SEMA3A: variants seen among roughly 807,000 people sequenced by gnomAD.
SEMA3A encodes semaphorin-3A.
SEMA3A carries 29 observed loss-of-function variants against 97.9 expected under a neutral mutation model. The observed-to-expected ratio is 0.30, with a 90% CI of 0.22 to 0.40. The LOEUF is 0.40. SEMA3A is among the 10% of genes least tolerant of loss of function. The probability of loss-of-function intolerance (pLI) is 1.00; values close to 1 mark genes in which losing one functional copy is unlikely to be tolerated. For synonymous variants in SEMA3A, 321 were observed against 323.7 expected (o/e 0.99, Z 0.09); for missense variants, 763 against 951.3 (o/e 0.80, Z 2.60).
chr7:84,374,185 A>G (rs529539), intron 1 of SEMA3A, among the ~76,000 whole-genome samples: 15,506 of 152,212 alleles, frequency 0.1, 1,454 homozygotes, highest in African/African-American at 0.22. Flanking sequence ...TTGGTAATTG[A>G]TTTGTGAAAG....
At chr7:83,980,607 A>AAAAAAAAAAAAC (rs1562951973) in intron 14 of SEMA3A, among the ~76,000 whole-genome samples, 5 of 53,096 alleles carry the variant, frequency 9.4e-5, no homozygotes, top group Non-Finnish European at 1.9e-4. Flanking sequence ...CCATCTCAAA[A>AAAAAAAAAAAAC]AAAAAAAAAA....
chr7:84,441,482 A>C (rs552616295), intron 1 of SEMA3A, among the ~76,000 whole-genome samples: 21 of 152,054 alleles, frequency 1.4e-4, no homozygotes, highest in Non-Finnish European at 2.9e-4. Flanking sequence ...AGAATAAGAC[A>C]TCAGAAATTT....
chr7:83,994,780 C>T (rs993142843), intron 12 of SEMA3A, among the ~76,000 whole-genome samples: 7 of 151,752 alleles, frequency 4.6e-5, no homozygotes, highest in Admixed American at 2.6e-4. Context: ...TTTGTCTGTG[C>T]CCTGCCCCCA....
chr7:84,270,599 T>C (rs1800122188), intron 3 of SEMA3A, among the ~76,000 whole-genome samples: 2 of 147,742 alleles, frequency 1.4e-5, no homozygotes, highest in Admixed American at 6.8e-5. Context: ...AATAATTATT[T>C]ATATATTATT....
intron 3 of SEMA3A, among the ~76,000 whole-genome samples, chr7:84,123,851 A>G (rs7808547): frequency 0.035 from 5,244 of 151,650 alleles, 116 homozygotes; most frequent in South Asian, 0.069. Context: ...GCAAGAGAGT[A>G]TAACTATGTG....
chr7:84,090,024 G>C (rs1794513537), intron 4 of SEMA3A, among the ~76,000 whole-genome samples: 1 of 151,872 alleles, frequency 6.6e-6, no homozygotes, highest in South Asian at 2.1e-4. Context: ...TTTTGTTATA[G>C]AAAATAAATT....
chr7:84,207,402 C>A lies in SEMA3A; in HGVS notation c.-82-12734G>T, dbSNP rs371733911. Among the ~76,000 whole-genome samples, 3 of 152,278 alleles carry A rather than the reference C, an allele frequency of 2.0e-5. No homozygotes were observed. In the East Asian group the frequency reaches 5.8e-4, roughly 29 times the overall value. On this transcript the variant is annotated intron_variant, in intron 3 of 3. Transcript: ENST00000424555. Reference sequence around the variant, plus strand: ...CAGAACTCTGCCCATTCTATCAAATCCTGATTCAAATGATTCTATGTATTC... The same window carrying A: ...CAGAACTCTGCCCATTCTATCAAATACTGATTCAAATGATTCTATGTATTC...
chr7:84,301,677 T>C (rs1279451309), intron 3 of SEMA3A, among the ~76,000 whole-genome samples: 1 of 152,166 alleles, frequency 6.6e-6, no homozygotes, highest in African/African-American at 2.4e-5. Flanking sequence ...TCACAATTAC[T>C]CAATTCTGCC....
Position 84,143,994 on chromosome 7 carries a change from C to CACACACACAA in SEMA3A, c.113-9044_113-9043insTTGTGTGTGT, listed in dbSNP as rs1348242265. Reference sequence around the variant, plus strand: ...ACACACACACACACACACACACACACAATTTATTGTGTATGCATTATCCTT... The same window carrying CACACACACAA: ...ACACACACACACACACACACACACACACACACACAAAATTTATTGTGTATGCATTATCCTT... On this transcript the variant is annotated intron_variant, in intron 1 of 16. Transcript: ENST00000265362. 9.2e-4 allele frequency among the ~76,000 whole-genome samples: 127 copies of CACACACACAA among 137,660 alleles called. 1 individual carries two copies. The highest frequency in any genetic ancestry group is 3.5e-3 in the African/African-American group (124 of 35,280). The allele number at this position is 137,660 out of a possible 152,430, so 90.3% of individuals were successfully genotyped here.
Position 84,305,246 on chromosome 7 carries a change from A to G in SEMA3A, c.-83+1961T>C, listed in dbSNP as rs142528114. ...TTTCAGGTTACTTCCAGTAAAAAAA[A>G]AAAAAAAGCAAAAATAGTAGATAAA... is the stretch of plus-strand genomic sequence containing the variant. On this transcript the variant is annotated intron_variant, in intron 3 of 3. Transcript: ENST00000424555. Among the ~76,000 whole-genome samples, 859 of 151,710 alleles carry G rather than the reference A, an allele frequency of 5.7e-3. 38 individuals carry two copies. In the East Asian group the frequency reaches 0.11, roughly 19 times the overall value.
intron 1 of SEMA3A, among the ~76,000 whole-genome samples, chr7:84,191,279 GC>G (rs1244319942): frequency 6.6e-6 from 1 of 150,416 alleles, no homozygotes; most frequent in African/African-American, 2.4e-5. Context: ...CTTTCAGAAG[GC>G]CTACCACTTT....
rs373613209 is a variant in SEMA3A at position 84,421,744 on chromosome 7, C to T, written c.-245-49844G>A. 7.0e-4 allele frequency among the ~76,000 whole-genome samples: 106 copies of T among 152,050 alleles called. 1 individual carries two copies. Among genetic ancestry groups the T allele is most frequent in the African/African-American group, 2.3e-3 (95 of 41,478 alleles). On this transcript the variant is annotated intron_variant, in intron 1 of 3. Transcript: ENST00000424555. ...AGCATGAAGGGGTGTTGAATTTTATCGAAGGCCTTTTCTGCATCTATTCAG... is the reference window on the plus strand; with the variant it reads ...AGCATGAAGGGGTGTTGAATTTTATTGAAGGCCTTTTCTGCATCTATTCAG...
intron 11 of SEMA3A, among the ~76,000 whole-genome samples, chr7:84,004,356 A>C (rs897082070): frequency 6.6e-5 from 10 of 152,184 alleles, no homozygotes; most frequent in African/African-American, 2.4e-4. Flanking sequence ...AATTAGTAAA[A>C]GTGAATTGTT....
At chr7:84,446,417 C>G (rs562613361) in intron 1 of SEMA3A, among the ~76,000 whole-genome samples, 2 of 152,198 alleles carry the variant, frequency 1.3e-5, no homozygotes, top group East Asian at 3.9e-4. Context: ...TGCAAACATT[C>G]TCAACAAAAT....
chr7:84,247,430 CTCTG>C (rs766576571), intron 3 of SEMA3A, among the ~76,000 whole-genome samples: 3 of 152,226 alleles, frequency 2.0e-5, no homozygotes, highest in East Asian at 3.9e-4. Context: ...TAGGCTCCCT[CTCTG>C]TCTGTTTCTA....
chr7:84,223,804 A>T (rs1252710954), intron 3 of SEMA3A, among the ~76,000 whole-genome samples: 1 of 151,874 alleles, frequency 6.6e-6, no homozygotes, highest in Non-Finnish European at 1.5e-5. Context: ...ATCATAGTTT[A>T]GAAATAAAAT....
At chr7:84,105,432 A>G (rs2115918481) in intron 4 of SEMA3A, among the ~76,000 whole-genome samples, 1 of 152,264 alleles carries the variant, frequency 6.6e-6, no homozygotes, top group South Asian at 2.1e-4. Context: ...ATTTTATTTC[A>G]TATATAGATA....
At chr7:84,419,453 C>A (rs1353510964) in intron 1 of SEMA3A, among the ~76,000 whole-genome samples, 1 of 151,630 alleles carries the variant, frequency 6.6e-6, no homozygotes, top group East Asian at 1.9e-4. Flanking sequence ...AAAATTAGAA[C>A]TCTTTCAGGG....
intron 2 of SEMA3A, among the ~76,000 whole-genome samples, chr7:84,321,785 T>A (rs1250907411): frequency 1.4e-5 from 2 of 141,328 alleles, no homozygotes; most frequent in African/African-American, 2.7e-5. Flanking sequence ...CTGAGGCAGG[T>A]GAATCGTGTG....
Sources: gnomAD v4.1 joint callset for allele counts (sites outside exome capture counted in the v4.1 genomes callset) on GRCh38, gnomAD v4.1.1 for gene constraint, MANE v1.5 for transcripts, NCBI Gene and HGNC (gene_info 2026-07-23, HGNC 2026-07-21) for gene names.